Variants in GALK2 observed in about 807,000 individuals in gnomAD.
The protein encoded by GALK2 is N-acetylgalactosamine kinase.
In GALK2, 36 loss-of-function variants were observed where a neutral mutation model predicts 52.4. The ratio of observed to expected loss-of-function variants is 0.69; its 90% CI spans 0.53 to 0.91. The LOEUF is 0.91. Ranked by LOEUF, GALK2 falls within the 40% of genes least tolerant of loss-of-function variation. The pLI is 0.00. For synonymous variants in GALK2, 176 were observed against 199.1 expected (o/e 0.88, Z 0.98); for missense variants, 579 against 559.1 (o/e 1.04, Z -0.36).
intron 3 of GALK2, among the ~76,000 whole-genome samples, chr15:49,354,878 T>A (rs553952296): frequency 4.6e-5 from 7 of 151,808 alleles, no homozygotes; most frequent in Admixed American, 1.3e-4. Context: ...TCTCCCAGCA[T>A]GCAGCTGGAG....
chr15:49,322,460 A>G (rs1168684025), intron 9 of GALK2, among the ~76,000 whole-genome samples: 1 of 152,206 alleles, frequency 6.6e-6, no homozygotes, highest in Non-Finnish European at 1.5e-5. Flanking sequence ...CACTGTGACC[A>G]GCAGATAATA....
At chr15:49,247,605 T>C (rs2091412864) in intron 5 of GALK2, among the ~76,000 whole-genome samples, 1 of 152,208 alleles carries the variant, frequency 6.6e-6, no homozygotes, top group South Asian at 2.1e-4. Flanking sequence ...GTTGAAATAA[T>C]GTCTCCTTGG....
At chr15:49,303,463 T>C (rs1596034539) in intron 8 of GALK2, among the ~76,000 whole-genome samples, 1 of 152,334 alleles carries the variant, frequency 6.6e-6, no homozygotes, top group Middle Eastern at 3.4e-3. Context: ...AGGCTAATGG[T>C]GACCATGGTT....
chr15:49,240,001 A>G (rs757895660), intron 5 of GALK2, among the ~76,000 whole-genome samples: 3 of 152,224 alleles, frequency 2.0e-5, no homozygotes, highest in Non-Finnish European at 2.9e-5. Context: ...TACCCCATGT[A>G]CATATACTAC....
intron 2 of GALK2, among the ~76,000 whole-genome samples, chr15:49,209,781 T>G (rs1252684232): frequency 6.6e-6 from 1 of 152,208 alleles, no homozygotes; most frequent in Non-Finnish European, 1.5e-5. Context: ...ACTGAGATAT[T>G]GTCCTGTAGT....
intron 9 of GALK2, among the ~76,000 whole-genome samples, chr15:49,322,566 C>G (rs2036964635): frequency 6.6e-6 from 1 of 152,184 alleles, no homozygotes; most frequent in Non-Finnish European, 1.5e-5. Flanking sequence ...TAAGTTGATG[C>G]AGGCATTATG....
intron 8 of GALK2, among the ~76,000 whole-genome samples, chr15:49,312,020 T>C (rs1234627875): frequency 1.3e-5 from 2 of 152,186 alleles, no homozygotes; most frequent in African/African-American, 4.8e-5. Context: ...TTGCTTTCTT[T>C]CCTGAATCAC....
intron 8 of GALK2, among the ~76,000 whole-genome samples, chr15:49,297,398 G>T (rs1403022613): frequency 6.6e-6 from 1 of 152,134 alleles, no homozygotes; most frequent in African/African-American, 2.4e-5. Flanking sequence ...TTACTCTGTT[G>T]ACAGTTTCTT....
intron 3 of GALK2, among the ~76,000 whole-genome samples, chr15:49,228,660 G>GATGTATATATAT (rs2090280907): frequency 7.0e-5 from 1 of 14,210 alleles, no homozygotes; most frequent in African/African-American, 4.6e-4. Flanking sequence ...GTCTTTCACT[G>GATGTATATATAT]ATATATATAT....
At chr15:49,159,217 A>G (rs1566891425) in intron 1 of GALK2, among the ~76,000 whole-genome samples, 1 of 152,236 alleles carries the variant, frequency 6.6e-6, no homozygotes, top group African/African-American at 2.4e-5. Flanking sequence ...ATACATTCAG[A>G]GTATTGCAGA....
intron 7 of GALK2, among the ~76,000 whole-genome samples, chr15:49,285,833 G>T (rs974898892): frequency 1.3e-5 from 2 of 152,094 alleles, no homozygotes; most frequent in Non-Finnish European, 2.9e-5. Context: ...AAATTCCCCT[G>T]CTTAATACCT....
At chr15:49,324,226 A>G (rs1210188450) in intron 9 of GALK2, among the ~76,000 whole-genome samples, 1 of 152,148 alleles carries the variant, frequency 6.6e-6, no homozygotes, top group Non-Finnish European at 1.5e-5. Flanking sequence ...TATGATTACA[A>G]AAGTTAATTT....
At chr15:49,262,476 T>G (rs1276493876) in intron 5 of GALK2, among the ~76,000 whole-genome samples, 1 of 152,218 alleles carries the variant, frequency 6.6e-6, no homozygotes, top group African/African-American at 2.4e-5. Context: ...GTATTAGTCT[T>G]GCTAGCGGTC....
chr15:49,240,958 G>A (rs1438615748), intron 5 of GALK2, among the ~76,000 whole-genome samples: 3 of 152,180 alleles, frequency 2.0e-5, no homozygotes, highest in Non-Finnish European at 4.4e-5. Context: ...GTTTAGAGTA[G>A]TGGCAATGAG....
intron 2 of GALK2, among the ~76,000 whole-genome samples, chr15:49,209,273 C>T (rs1184073032): frequency 1.3e-5 from 2 of 152,172 alleles, no homozygotes; most frequent in Admixed American, 1.3e-4. Context: ...ATGTTGTGTA[C>T]AAGTAGAGAC....
Position 49,207,661 on chromosome 15 carries a change from A to G in GALK2, c.142+6411A>G, listed in dbSNP as rs537630769. Among the ~76,000 whole-genome samples the G allele has an allele frequency of 2.0e-5, 3 of 152,278 alleles. No individual in the cohort carries two copies. The South Asian group carries it at 6.2e-4, about 32-fold the overall frequency. On this transcript the variant is annotated intron_variant, in intron 2 of 9. Coordinates refer to ENST00000560031, the MANE Select transcript of GALK2 (RefSeq NM_002044.4). ...TGTAAAGGTGTTCATAGTCGCCTTG[A>G]ATGATCTTTTGTATTTCAGTGGTAT...
At chr15:49,191,164 A>G (rs1231360619) in intron 1 of GALK2, among the ~76,000 whole-genome samples, 1 of 152,172 alleles carries the variant, frequency 6.6e-6, no homozygotes, top group Non-Finnish European at 1.5e-5. Context: ...GGTCATTTTA[A>G]TGTTAATTTC....
intron 2 of GALK2, among the ~76,000 whole-genome samples, chr15:49,215,111 A>G (rs1340313801): frequency 1.3e-5 from 2 of 151,886 alleles, no homozygotes; most frequent in Admixed American, 1.3e-4. Context: ...GAGCCCCTTT[A>G]TATGTTCTTT....
At chr15:49,365,595 C>G in intron 3 of GALK2, 1 of 990,036 alleles carries the variant, frequency 1.0e-6, no homozygotes, top group South Asian at 1.3e-5. Flanking sequence ...TCTCACCATT[C>G]TTTGTGATGA....
Sources: allele counts gnomAD v4.1 joint callset (sites outside exome capture counted in the v4.1 genomes callset), GRCh38; gene constraint gnomAD v4.1.1; transcripts MANE v1.5; gene names NCBI Gene and HGNC (gene_info 2026-07-23, HGNC 2026-07-21).